The following ERBB4 variants were observed in gnomAD, a reference collection of about 807,000 sequenced individuals.
ERBB4 encodes receptor tyrosine-protein kinase erbB-4.
In ERBB4, 42 loss-of-function variants were observed where a neutral mutation model predicts 158.0. The ratio of observed to expected loss-of-function variants is 0.27; its 90% CI spans 0.21 to 0.34. ERBB4 has a LOEUF of 0.34. Among genes scored for constraint, ERBB4 ranks in the 10% least tolerant of loss-of-function variants. ERBB4 has a pLI of 1.00. For synonymous variants in ERBB4, 583 were observed against 558.7 expected, an observed-to-expected ratio of 1.04 and a Z score of -0.61; for missense variants, 1,333 against 1,624.1, an observed-to-expected ratio of 0.82 and a Z score of 3.08.
At chr2:211,741,048 T>C (rs566294354) in intron 5 of ERBB4, among the ~76,000 whole-genome samples, 35 of 152,356 alleles carry the variant, frequency 2.3e-4, no homozygotes, top group African/African-American at 8.2e-4. Context: ...GGTATGTAAG[T>C]GCTTGCTTTT....
At chr2:212,454,111 T>C (rs1021762205) in intron 1 of ERBB4, among the ~76,000 whole-genome samples, 12 of 151,940 alleles carry the variant, frequency 7.9e-5, no homozygotes, top group Non-Finnish European at 1.3e-4. Context: ...CAGCTAATTT[T>C]TGTATTTTTA....
intron 2 of ERBB4, among the ~76,000 whole-genome samples, chr2:212,003,298 AATCTT>A (rs2076182007): frequency 6.8e-6 from 1 of 148,012 alleles, no homozygotes. Flanking sequence ...TCAAAACAAA[AATCTT>A]AATTGACCAG....
chr2:211,438,989 AGT>A (rs58211149), intron 20 of ERBB4, among the ~76,000 whole-genome samples: 2,264 of 148,984 alleles, frequency 0.015, 47 homozygotes, highest in African/African-American at 0.043. Context: ...AATATATTTG[AGT>A]GTGTGTGTGT....
intron 2 of ERBB4, among the ~76,000 whole-genome samples, chr2:211,976,989 T>C (rs1485029307): frequency 2.6e-5 from 4 of 152,204 alleles, no homozygotes; most frequent in South Asian, 4.1e-4. Flanking sequence ...TATAAAAATG[T>C]TAATGACATC....
chr2:211,497,264 C>T (rs748410833), intron 20 of ERBB4, among the ~76,000 whole-genome samples: 9 of 151,732 alleles, frequency 5.9e-5, no homozygotes, highest in Admixed American at 2.0e-4. Context: ...GTTTTTAAAC[C>T]AAAAAGATGC....
chr2:212,204,708 A>C (rs544530814), intron 1 of ERBB4, among the ~76,000 whole-genome samples: 142 of 138,626 alleles, frequency 1.0e-3, no homozygotes, highest in Admixed American at 2.4e-3. Flanking sequence ...CACAAAAAAA[A>C]CAAAAAAAAA....
chr2:211,920,247 C>T (rs1373918284), intron 3 of ERBB4, among the ~76,000 whole-genome samples: 1 of 151,932 alleles, frequency 6.6e-6, no homozygotes, highest in Non-Finnish European at 1.5e-5. Context: ...CGTCTGAGAG[C>T]ATAATGGATT....
At chr2:212,020,311 C>A (rs1464109557) in intron 2 of ERBB4, among the ~76,000 whole-genome samples, 1 of 152,022 alleles carries the variant, frequency 6.6e-6, no homozygotes, top group Admixed American at 6.6e-5. Flanking sequence ...AATATTAGAA[C>A]TTATCATATA....
At chr2:211,448,467 TAC>T (rs3067955) in intron 20 of ERBB4, among the ~76,000 whole-genome samples, 28,054 of 149,398 alleles carry the variant, frequency 0.19, 3,420 homozygotes, top group African/African-American at 0.35. Flanking sequence ...CCCAAACAGA[TAC>T]ACACACACAC....
chr2:211,817,742 G>T (rs1299891329), intron 3 of ERBB4, among the ~76,000 whole-genome samples: 1 of 152,054 alleles, frequency 6.6e-6, no homozygotes, highest in Non-Finnish European at 1.5e-5. Context: ...TCTGGATTTT[G>T]CCTTTAAAGG....
intron 2 of ERBB4, among the ~76,000 whole-genome samples, chr2:212,080,241 A>G (rs1004134008): frequency 2.6e-5 from 4 of 151,888 alleles, no homozygotes; most frequent in African/African-American, 4.8e-5. Flanking sequence ...TGAACCCGGG[A>G]AGCGGAGGTT....
chr2:211,414,909 T>C (rs936113481), intron 25 of ERBB4, among the ~76,000 whole-genome samples: 22 of 152,078 alleles, frequency 1.4e-4, no homozygotes, highest in African/African-American at 5.3e-4. Flanking sequence ...CTGGCAGTAG[T>C]AGTTACCTCC....
At chr2:212,164,643 C>A (rs1437008400) in intron 1 of ERBB4, among the ~76,000 whole-genome samples, 2 of 151,952 alleles carry the variant, frequency 1.3e-5, no homozygotes. Context: ...GTCTATCTAT[C>A]CATCAGATAG....
intron 1 of ERBB4, among the ~76,000 whole-genome samples, chr2:212,479,612 G>T (rs1297068730): frequency 6.6e-6 from 1 of 152,096 alleles, no homozygotes; most frequent in Admixed American, 6.6e-5. Context: ...TTTGTGTGCA[G>T]CTCACAATAT....
chr2:212,236,740 T>A (rs1240544977), intron 1 of ERBB4, among the ~76,000 whole-genome samples: 1 of 152,222 alleles, frequency 6.6e-6, no homozygotes, highest in Non-Finnish European at 1.5e-5. Flanking sequence ...CTAGATTTTC[T>A]AGTTTATTAG....
intron 12 of ERBB4, among the ~76,000 whole-genome samples, chr2:211,698,411 G>A (rs1300747365): frequency 6.6e-6 from 1 of 151,396 alleles, no homozygotes; most frequent in Non-Finnish European, 1.5e-5. Context: ...GATATAGATG[G>A]CTGAATGGTA....
chr2:211,558,044 T>G (rs1479015534), intron 20 of ERBB4, among the ~76,000 whole-genome samples: 4 of 152,152 alleles, frequency 2.6e-5, no homozygotes. Context: ...TTGTTAGCAC[T>G]TATACAGGGG....
intron 1 of ERBB4, among the ~76,000 whole-genome samples, chr2:212,397,941 A>G (rs1226909698): frequency 6.6e-6 from 1 of 152,088 alleles, no homozygotes; most frequent in African/African-American, 2.4e-5. Context: ...CAAAATTAGG[A>G]ATATGAAACA....
intron 20 of ERBB4, among the ~76,000 whole-genome samples, chr2:211,486,441 A>G (rs185152268): frequency 7.9e-5 from 12 of 152,268 alleles, no homozygotes; most frequent in South Asian, 4.1e-4. Flanking sequence ...AAATATTCTC[A>G]GTTGTAGAGC....
Sources: allele counts gnomAD v4.1 joint callset (sites outside exome capture counted in the v4.1 genomes callset), GRCh38; gene constraint gnomAD v4.1.1; transcripts MANE v1.5; gene names NCBI Gene and HGNC (gene_info 2026-07-23, HGNC 2026-07-21).